Variants in PDE1C observed in about 807,000 individuals in gnomAD.
PDE1C encodes the protein dual specificity calcium/calmodulin-dependent 3',5'-cyclic nucleotide phosphodiesterase 1C.
Under a neutral mutation model 93.1 loss-of-function variants are expected in PDE1C, and 62 were observed. The observed-to-expected ratio is 0.67, with a 90% CI of 0.54 to 0.82. The LOEUF (loss-of-function observed/expected upper bound fraction) is 0.82. Among genes scored for constraint, PDE1C ranks in the 40% least tolerant of loss-of-function variants. PDE1C has a pLI of 0.00. For synonymous variants in PDE1C, 325 were observed against 310.1 expected, an observed-to-expected ratio of 1.05 and a Z score of -0.50; for missense variants, 742 against 884.6, an observed-to-expected ratio of 0.84 and a Z score of 2.04.
intron 2 of PDE1C, among the ~76,000 whole-genome samples, chr7:31,961,400 T>A (rs887308964): frequency 6.6e-6 from 1 of 152,152 alleles, no homozygotes; most frequent in African/African-American, 2.4e-5. Flanking sequence ...AAAGTATAAT[T>A]GAAATTTCTC....
At chr7:32,293,094 A>C (rs984426673) in intron 1 of PDE1C, among the ~76,000 whole-genome samples, 1 of 152,136 alleles carries the variant, frequency 6.6e-6, no homozygotes, top group Non-Finnish European at 1.5e-5. Flanking sequence ...TCACAGTATG[A>C]TTTCAGGCAA....
At chr7:32,047,710 G>T (rs940091962) in intron 2 of PDE1C, among the ~76,000 whole-genome samples, 4 of 149,264 alleles carry the variant, frequency 2.7e-5, no homozygotes, top group East Asian at 2.0e-4. Flanking sequence ...AAAGCTGTGG[G>T]TTTTTTTTTT....
upstream of PDE1C, among the ~76,000 whole-genome samples, chr7:32,075,131 C>T (rs1796278759): frequency 2.0e-5 from 3 of 152,172 alleles, no homozygotes; most frequent in South Asian, 6.2e-4. Flanking sequence ...AAGAGAAATC[C>T]AGTGACCAAC....
chr7:32,358,794 A>T (rs1245856469), intron 1 of PDE1C, among the ~76,000 whole-genome samples: 1 of 152,074 alleles, frequency 6.6e-6, no homozygotes, highest in Non-Finnish European at 1.5e-5. Flanking sequence ...GCAAATAGCA[A>T]AGTGGGGATT....
At chr7:31,747,706 G>A (rs1404642237), downstream of PDE1C, among the ~76,000 whole-genome samples, 1 of 152,086 alleles carries the variant, frequency 6.6e-6, no homozygotes, top group Non-Finnish European at 1.5e-5. Flanking sequence ...GTGGGCAGGG[G>A]TTAGGGAATG....
At chr7:32,037,517 C>T (rs1791268126) in intron 2 of PDE1C, among the ~76,000 whole-genome samples, 1 of 152,092 alleles carries the variant, frequency 6.6e-6, no homozygotes, top group Non-Finnish European at 1.5e-5. Flanking sequence ...CTAAATAAAA[C>T]ACCCATACCA....
intron 1 of PDE1C, among the ~76,000 whole-genome samples, chr7:32,247,484 G>A (rs932206402): frequency 3.3e-5 from 4 of 121,918 alleles, no homozygotes; most frequent in Admixed American, 8.0e-5. Flanking sequence ...GAAGCAATGG[G>A]ATAAAACTTG....
intron 1 of PDE1C, among the ~76,000 whole-genome samples, chr7:32,057,179 T>C (rs1794229927): frequency 6.6e-6 from 1 of 152,240 alleles, no homozygotes; most frequent in South Asian, 2.1e-4. Context: ...CCCTAAAAAC[T>C]GAGCCCAGTG....
chr7:31,681,809 T>C, the PDE1C span, among the ~76,000 whole-genome samples: 3 of 152,224 alleles, frequency 2.0e-5, no homozygotes, highest in Non-Finnish European at 4.4e-5. Flanking sequence ...CCACAGCAGA[T>C]GTTTTAAGGC....
At chr7:31,687,796 C>T in the PDE1C span, among the ~76,000 whole-genome samples, 1 of 152,126 alleles carries the variant, frequency 6.6e-6, no homozygotes, top group Non-Finnish European at 1.5e-5. Flanking sequence ...TTTTACATAG[C>T]CAGAGGGTGC....
At chr7:31,981,948 G>A (rs1323857130) in intron 2 of PDE1C, among the ~76,000 whole-genome samples, 2 of 152,210 alleles carry the variant, frequency 1.3e-5, no homozygotes, top group South Asian at 2.1e-4. Flanking sequence ...GGTGCTGTAT[G>A]CCAACACTAT....
chr7:31,932,658 A>G (rs1427928885), intron 2 of PDE1C, among the ~76,000 whole-genome samples: 1 of 152,152 alleles, frequency 6.6e-6, no homozygotes, highest in Non-Finnish European at 1.5e-5. Flanking sequence ...ACAGTGTGGC[A>G]ATTCCTCAAG....
chr7:31,881,342 G>C (rs911441943), intron 2 of PDE1C, among the ~76,000 whole-genome samples: 3 of 152,048 alleles, frequency 2.0e-5, no homozygotes, highest in Admixed American at 1.3e-4. Flanking sequence ...GAGGGCTACA[G>C]AAGGAATAGA....
At chr7:31,782,051 G>A (rs78232316) in intron 16 of PDE1C, among the ~76,000 whole-genome samples, 10,514 of 152,194 alleles carry the variant, frequency 0.069, 773 homozygotes, top group East Asian at 0.39. Context: ...GTGACAAAGC[G>A]TTATGTACAA....
chr7:31,830,421 G>A (rs981860819), intron 11 of PDE1C, among the ~76,000 whole-genome samples: 27 of 151,998 alleles, frequency 1.8e-4, no homozygotes, highest in Admixed American at 3.3e-4. Context: ...CCAGGACAGC[G>A]CAGAAAAATA....
chr7:32,388,723 T>C (rs1015267385), intron 1 of PDE1C, among the ~76,000 whole-genome samples: 15 of 150,056 alleles, frequency 1.0e-4, no homozygotes, highest in Non-Finnish European at 8.9e-5. Context: ...AAAAATCTAT[T>C]GTCAGTGTAT....
the PDE1C span, chr7:31,643,154 A>G: frequency 3.1e-6 from 5 of 1,613,972 alleles, no homozygotes; most frequent in Non-Finnish European, 3.4e-6. Flanking sequence ...CACCACAATG[A>G]GTCTCAAAGG....
At chr7:32,269,324 T>A (rs1364378076) in intron 1 of PDE1C, among the ~76,000 whole-genome samples, 1 of 152,108 alleles carries the variant, frequency 6.6e-6, no homozygotes, top group African/African-American at 2.4e-5. Flanking sequence ...CATTTATGAG[T>A]AGCAAAACCT....
chr7:32,208,607 G>A (rs1438989919), intron 2 of PDE1C, among the ~76,000 whole-genome samples: 3 of 152,196 alleles, frequency 2.0e-5, no homozygotes, highest in Admixed American at 2.0e-4. Flanking sequence ...AAGCCAGTGA[G>A]GCAGTGATAA....
Sources: allele counts gnomAD v4.1 joint callset (sites outside exome capture counted in the v4.1 genomes callset), GRCh38; gene constraint gnomAD v4.1.1; transcripts MANE v1.5; gene names NCBI Gene and HGNC (gene_info 2026-07-23, HGNC 2026-07-21).